The following GNAQ variants were observed in gnomAD, a reference collection of about 807,000 sequenced individuals.
GNAQ encodes guanine nucleotide-binding protein G(q) subunit alpha.
A neutral mutation model predicts 43.9 loss-of-function variants in GNAQ; 8 were observed. The observed-to-expected ratio is 0.18, with a 90% CI of 0.11 to 0.33. GNAQ has a LOEUF of 0.33. GNAQ is among the 10% of genes least tolerant of loss of function. The pLI is 1.00. For synonymous variants in GNAQ, 155 were observed against 170.7 expected, an observed-to-expected ratio of 0.91 and a Z score of 0.71; for missense variants, 158 against 450.8, an observed-to-expected ratio of 0.35 and a Z score of 5.88.
chr9:77,721,011 C>G lies in GNAQ; in HGVS notation c.*312G>C, dbSNP rs147564989. 1.5e-3 allele frequency: 403 copies of G among 273,356 alleles called. No homozygotes were observed. Among genetic ancestry groups the G allele is most frequent in the African/African-American group, 6.8e-3 (314 of 46,514 alleles). 16.9% of individuals were successfully genotyped at this position (273,356 alleles called of 1,614,324 possible). A position where few individuals can be genotyped will look rare whatever the true frequency, so the allele number is the denominator to read the frequency against. ...CATAGAAAAGAAAAAGAGAGAGAGA[C>G]AGAAAGAAACAAGTCTTATCTTTGT... On this transcript the variant is annotated 3_prime_UTR_variant, in exon 7 of 7. Transcript: ENST00000286548.
At chr9:77,798,028 T>C (rs951692353) in intron 3 of GNAQ, among the ~76,000 whole-genome samples, 1 of 152,252 alleles carries the variant, frequency 6.6e-6, no homozygotes, top group Non-Finnish European at 1.5e-5. Context: ...GAGTTGCACA[T>C]AAGGTCAGAA....
chr9:77,766,058 G>T (rs1380497141), intron 5 of GNAQ, among the ~76,000 whole-genome samples: 1 of 152,202 alleles, frequency 6.6e-6, no homozygotes, highest in African/African-American at 2.4e-5. Context: ...TAGAATGGTG[G>T]TTGTGGGGGA....
chr9:77,885,591 G>A (rs141160058), intron 2 of GNAQ, among the ~76,000 whole-genome samples: 2 of 152,148 alleles, frequency 1.3e-5, no homozygotes, highest in African/African-American at 4.8e-5. Context: ...TACATTTACA[G>A]CCCACAAAAA....
At chr9:77,746,562 CAAAG>C (rs1346080426) in intron 5 of GNAQ, among the ~76,000 whole-genome samples, 2 of 151,524 alleles carry the variant, frequency 1.3e-5, no homozygotes, top group East Asian at 1.9e-4. Context: ...CACAAAGAAA[CAAAG>C]AAAATTAAAA....
intron 2 of GNAQ, among the ~76,000 whole-genome samples, chr9:77,900,463 G>C (rs1467890076): frequency 6.6e-6 from 1 of 152,096 alleles, no homozygotes; most frequent in Non-Finnish European, 1.5e-5. Context: ...CTACCAGTAA[G>C]GCAGGCTGAT....
intron 1 of GNAQ, among the ~76,000 whole-genome samples, chr9:78,012,142 C>T (rs972184544): frequency 1.5e-4 from 23 of 152,006 alleles, no homozygotes; most frequent in East Asian, 5.8e-4. Flanking sequence ...AAATCTACTA[C>T]GTGGCAAGCA....
intron 1 of GNAQ, among the ~76,000 whole-genome samples, chr9:77,976,869 T>C (rs1823309328): frequency 1.3e-5 from 2 of 152,178 alleles, no homozygotes; most frequent in Non-Finnish European, 2.9e-5. Flanking sequence ...GAACAACAGC[T>C]TCAATGAGCC....
At chr9:77,724,550 C>A (rs1475954035) in intron 6 of GNAQ, among the ~76,000 whole-genome samples, 1 of 152,134 alleles carries the variant, frequency 6.6e-6, no homozygotes, top group Non-Finnish European at 1.5e-5. Context: ...ATAAAGAGAT[C>A]TTGCAGAACT....
intron 2 of GNAQ, among the ~76,000 whole-genome samples, chr9:77,842,734 C>T (rs1349039429): frequency 4.6e-5 from 7 of 152,232 alleles, no homozygotes; most frequent in Admixed American, 3.3e-4. Flanking sequence ...GACCTCCAGG[C>T]ATATGGCCCA....
chr9:77,997,850 G>A (rs1823593392), intron 1 of GNAQ, among the ~76,000 whole-genome samples: 3 of 152,136 alleles, frequency 2.0e-5, no homozygotes, highest in African/African-American at 4.8e-5. Flanking sequence ...GTTTTGCAGA[G>A]TTTCATGTAA....
intron 2 of GNAQ, among the ~76,000 whole-genome samples, chr9:77,869,184 C>T (rs1200402555): frequency 6.6e-6 from 1 of 151,954 alleles, no homozygotes; most frequent in Non-Finnish European, 1.5e-5. Context: ...ATCATCATTT[C>T]AATAGGAAAA....
intron 3 of GNAQ, among the ~76,000 whole-genome samples, chr9:77,797,885 A>G (rs1234605081): frequency 1.3e-5 from 2 of 152,172 alleles, no homozygotes; most frequent in African/African-American, 4.8e-5. Context: ...CTTATTATCA[A>G]TTAGAACTCA....
At chr9:77,811,522 C>T (rs1218384974) in intron 3 of GNAQ, among the ~76,000 whole-genome samples, 4 of 152,044 alleles carry the variant, frequency 2.6e-5, no homozygotes, top group South Asian at 2.1e-4. Context: ...GGGAAATCAG[C>T]GATGTTTAAC....
At chr9:77,938,272 T>C (rs1829262187) in intron 1 of GNAQ, among the ~76,000 whole-genome samples, 1 of 152,224 alleles carries the variant, frequency 6.6e-6, no homozygotes, top group African/African-American at 2.4e-5. Context: ...GCCTATGGAT[T>C]CAGAAGATCA....
chr9:77,721,215 G>A lies in GNAQ; in HGVS notation c.*108C>T, dbSNP rs1825305651. Reference sequence around the variant, plus strand: ...GACACGCTCACACAGAGTCCAGGACGGCAATAAATTAGTATTATGCAAATT... The same window carrying A: ...GACACGCTCACACAGAGTCCAGGACAGCAATAAATTAGTATTATGCAAATT... On this transcript the variant is annotated 3_prime_UTR_variant, in exon 7 of 7. Transcript: ENST00000286548. 7.5e-6 allele frequency: 5 copies of A among 663,438 alleles called. No individual in the cohort carries two copies. Among genetic ancestry groups the A allele is most frequent in the Non-Finnish European group, 1.3e-5 (5 of 380,136 alleles). 41.1% of individuals were successfully genotyped at this position (663,438 alleles called of 1,614,324 possible).
intron 1 of GNAQ, among the ~76,000 whole-genome samples, chr9:77,984,472 T>TTA (rs1212643004): frequency 6.6e-6 from 1 of 152,182 alleles, no homozygotes; most frequent in African/African-American, 2.4e-5. Flanking sequence ...AAGTACCTGT[T>TTA]TAACTGTGTT....
chr9:77,990,560 C>T (rs569681985), intron 1 of GNAQ, among the ~76,000 whole-genome samples: 90 of 152,266 alleles, frequency 5.9e-4, no homozygotes, highest in African/African-American at 2.0e-3. Flanking sequence ...TCAAAGGCTC[C>T]AGGTTTTTCA....
At chr9:77,735,017 C>T (rs1222700572) in intron 5 of GNAQ, among the ~76,000 whole-genome samples, 3 of 152,168 alleles carry the variant, frequency 2.0e-5, no homozygotes, top group East Asian at 1.9e-4. Flanking sequence ...TCATTCCATA[C>T]ACTGTACATG....
At chr9:77,889,264 C>T (rs868830202) in intron 2 of GNAQ, among the ~76,000 whole-genome samples, 10 of 151,080 alleles carry the variant, frequency 6.6e-5, no homozygotes, top group African/African-American at 1.5e-4. Flanking sequence ...AAAAATTAGC[C>T]GGGTGTGGTG....
Sources: allele counts gnomAD v4.1 joint callset (sites outside exome capture counted in the v4.1 genomes callset), GRCh38; gene constraint gnomAD v4.1.1; transcripts MANE v1.5; gene names NCBI Gene and HGNC (gene_info 2026-07-23, HGNC 2026-07-21).